INPP5D: variants seen among roughly 807,000 people sequenced by gnomAD.
The protein encoded by INPP5D is phosphatidylinositol 3,4,5-trisphosphate 5-phosphatase 1.
In INPP5D, 33 loss-of-function variants were observed where a neutral mutation model predicts 122.9. That is an observed-to-expected ratio of 0.27 (90% CI 0.20 to 0.36). The LOEUF is 0.36. Among genes scored for constraint, INPP5D ranks in the 10% least tolerant of loss-of-function variants. The pLI is 1.00. For synonymous variants in INPP5D, 584 were observed against 576.2 expected (o/e 1.01, Z -0.19); for missense variants, 1,053 against 1,412.7 (o/e 0.75, Z 4.08).
intron 22 of INPP5D, among the ~76,000 whole-genome samples, chr2:233,192,215 C>G (rs1388543284): frequency 6.6e-6 from 1 of 152,152 alleles, no homozygotes; most frequent in East Asian, 1.9e-4. Flanking sequence ...GCTTTGTTAG[C>G]AGGAAACAGG....
chr2:233,110,367 T>G (rs1030378042), intron 2 of INPP5D, among the ~76,000 whole-genome samples: 1 of 151,364 alleles, frequency 6.6e-6, no homozygotes, highest in Non-Finnish European at 1.5e-5. Flanking sequence ...ATTTTTTATT[T>G]TTATTTTTTT....
chr2:233,161,313 A>G (rs1694191600), intron 10 of INPP5D, among the ~76,000 whole-genome samples: 1 of 152,092 alleles, frequency 6.6e-6, no homozygotes, highest in Non-Finnish European at 1.5e-5. Context: ...GCTGGTCTCG[A>G]ACTCCTGACC....
intron 1 of INPP5D, among the ~76,000 whole-genome samples, chr2:233,070,345 C>T (rs749910439): frequency 6.6e-6 from 1 of 152,046 alleles, no homozygotes; most frequent in Non-Finnish European, 1.5e-5. Context: ...CAGAGAATCC[C>T]TCTGCACACA....
At chr2:233,125,218 G>A (rs1478175999) in intron 3 of INPP5D, among the ~76,000 whole-genome samples, 1 of 152,264 alleles carries the variant, frequency 6.6e-6, no homozygotes, top group East Asian at 1.9e-4. Flanking sequence ...GTTTCTGAGA[G>A]TCTGGGGGAG....
chr2:233,161,624 C>T (rs1694201273), intron 10 of INPP5D, 100 bp from the exon 11 acceptor site: 12 of 1,420,414 alleles, frequency 8.4e-6, no homozygotes, highest in South Asian at 1.5e-5. Context: ...CACTGATTTA[C>T]GCTCCTCTCA....
chr2:233,178,865 GA>G (rs1274300628), intron 18 of INPP5D, among the ~76,000 whole-genome samples: 1 of 152,206 alleles, frequency 6.6e-6, no homozygotes. Flanking sequence ...GGAGCAAGGA[GA>G]GGGGTGGGGG....
chr2:233,141,783 C>G (rs1226162274), intron 6 of INPP5D, among the ~76,000 whole-genome samples: 1 of 152,098 alleles, frequency 6.6e-6, no homozygotes, highest in Non-Finnish European at 1.5e-5. Flanking sequence ...AGGATTTAAA[C>G]CCAAAGGGCC....
chr2:233,081,710 G>C (rs1406164087), intron 2 of INPP5D, among the ~76,000 whole-genome samples: 1 of 152,114 alleles, frequency 6.6e-6, no homozygotes, highest in African/African-American at 2.4e-5. Flanking sequence ...CCTTTGTGGA[G>C]ATGTGCAGAG....
chr2:233,155,926 C>G (rs2106287936), intron 9 of INPP5D, among the ~76,000 whole-genome samples: 1 of 152,318 alleles, frequency 6.6e-6, no homozygotes, highest in Non-Finnish European at 1.5e-5. Flanking sequence ...AGGGGCCCCA[C>G]AAGACCACCC....
chr2:233,181,121 C>T (rs1185468147), intron 18 of INPP5D, among the ~76,000 whole-genome samples: 3 of 152,250 alleles, frequency 2.0e-5, no homozygotes, highest in South Asian at 2.1e-4. Context: ...AGTGCCCCCA[C>T]TCCCATCCTT....
intron 1 of INPP5D, among the ~76,000 whole-genome samples, chr2:233,072,479 T>G (rs1481485027): frequency 2.0e-5 from 3 of 152,208 alleles, no homozygotes; most frequent in African/African-American, 7.2e-5. Context: ...TTTGGTTATG[T>G]TATGGTTTTA....
chr2:233,147,119 G>A (rs1208945745), intron 8 of INPP5D, among the ~76,000 whole-genome samples: 1 of 152,186 alleles, frequency 6.6e-6, no homozygotes, highest in African/African-American at 2.4e-5. Context: ...GTTTAAATCT[G>A]TTACTAAAAT....
At chr2:233,168,545 T>C (rs978310386) in intron 13 of INPP5D, among the ~76,000 whole-genome samples, 1 of 152,230 alleles carries the variant, frequency 6.6e-6, no homozygotes, top group African/African-American at 2.4e-5. Flanking sequence ...CTACAGACAA[T>C]CCAGAAGTCA....
chr2:233,134,513 G>T (rs940408937), intron 5 of INPP5D, among the ~76,000 whole-genome samples: 1 of 152,144 alleles, frequency 6.6e-6, no homozygotes, highest in Admixed American at 6.5e-5. Context: ...AAGGAGAAGT[G>T]CCAGAGCCTC....
At position 233,168,168 on chromosome 2, in the gene INPP5D, A is replaced by G. The variant is rs1242422010; in HGVS notation, c.1556-1137A>G. Among the ~76,000 whole-genome samples, 5 of 152,370 alleles carry G rather than the reference A, an allele frequency of 3.3e-5. No individual in the cohort carries two copies. The East Asian group carries it at 9.6e-4, about 29-fold the overall frequency. ...CCACATTAAAAAGAAAACAAGTGAA[A>G]TTAATTTCAATAATAGATTTTATTG... On this transcript the variant is annotated intron_variant, in intron 13 of 26. Transcript: ENST00000445964.
At position 233,183,025 on chromosome 2, in the gene INPP5D, C is replaced by A. The variant is rs943253503; in HGVS notation, c.2161+526C>A. Among the ~76,000 whole-genome samples the A allele has an allele frequency of 6.6e-6, 1 of 152,060 alleles. No individual in the cohort carries two copies. The highest frequency in any genetic ancestry group is 2.4e-5 in the African/African-American group (1 of 41,380). On this transcript the variant is annotated intron_variant, in intron 19 of 26. Coordinates refer to ENST00000445964, the MANE Select transcript of INPP5D (RefSeq NM_001017915.3). The surrounding 1 kb of genome is among the most constrained non-coding windows in gnomAD (Gnocchi z 4.6). The stretch of plus-strand genomic sequence containing the variant: ...CGTGGTAGGCAGAGATGGTAAAAAT[C>A]GTTAAGATGGGATGCAAATGACTGA...
At chr2:233,140,185 G>A in intron 6 of INPP5D, 1 of 264,108 alleles carries the variant, frequency 3.8e-6, no homozygotes, top group Non-Finnish European at 7.1e-6. Flanking sequence ...ACTTATTTGT[G>A]CCAAATAAGG....
At chr2:233,169,248 C>A (rs1694425247) in intron 13 of INPP5D, 57 bp from the exon 14 acceptor site, 1 of 1,551,232 alleles carries the variant, frequency 6.4e-7, no homozygotes, top group East Asian at 2.4e-5. Context: ...GATTTCTGGC[C>A]CCTTGGCAAG....
intron 2 of INPP5D, among the ~76,000 whole-genome samples, chr2:233,112,845 A>G (rs1421393214): frequency 1.3e-5 from 2 of 151,980 alleles, no homozygotes; most frequent in Non-Finnish European, 2.9e-5. Flanking sequence ...TTTAGTAGAG[A>G]CAGGGTTTCA....
Sources: gnomAD v4.1 joint callset for allele counts (sites outside exome capture counted in the v4.1 genomes callset) on GRCh38, gnomAD v4.1.1 for gene constraint, Gnocchi (gnomAD v3.1) non-coding constraint, MANE v1.5 for transcripts, NCBI Gene and HGNC (gene_info 2026-07-23, HGNC 2026-07-21) for gene names.